Variants in DPP6 observed in about 807,000 individuals in gnomAD.
DPP6 encodes the protein dipeptidyl peptidase like 6.
DPP6 carries 69 observed loss-of-function variants against 122.6 expected under a neutral mutation model. That is an observed-to-expected ratio of 0.56 (90% confidence interval 0.46 to 0.69). The LOEUF (loss-of-function observed/expected upper bound fraction) is 0.69. DPP6 is among the 30% of genes least tolerant of loss of function. The pLI is 0.00. For synonymous variants in DPP6, 418 were observed against 433.1 expected, an observed-to-expected ratio of 0.97 and a Z score of 0.43; for missense variants, 928 against 1,116.9, an observed-to-expected ratio of 0.83 and a Z score of 2.41.
chr7:153,900,620 G>A (rs866634637), intron 1 of DPP6, among the ~76,000 whole-genome samples: 16 of 152,080 alleles, frequency 1.1e-4, no homozygotes, highest in East Asian at 5.8e-4. Flanking sequence ...TCATTATCTC[G>A]AGGGTAACAC....
At chr7:154,375,017 CA>C (rs1813008493) in intron 1 of DPP6, among the ~76,000 whole-genome samples, 1 of 152,170 alleles carries the variant, frequency 6.6e-6, no homozygotes, top group South Asian at 2.1e-4. Flanking sequence ...TGGTCCTGAG[CA>C]AATGAGGGAC....
At chr7:154,747,206 G>A (rs1311769289) in intron 8 of DPP6, among the ~76,000 whole-genome samples, 1 of 152,130 alleles carries the variant, frequency 6.6e-6, no homozygotes, top group Non-Finnish European at 1.5e-5. Context: ...TTGAAGAGCT[G>A]GTTTTTAATT....
At chr7:154,042,814 C>G (rs1381633803) in intron 1 of DPP6, among the ~76,000 whole-genome samples, 1 of 152,184 alleles carries the variant, frequency 6.6e-6, no homozygotes, top group South Asian at 2.1e-4. Context: ...GGATCACTTG[C>G]TTTTATTCTC....
At chr7:154,011,934 G>A (rs531428137) in intron 1 of DPP6, among the ~76,000 whole-genome samples, 36 of 152,282 alleles carry the variant, frequency 2.4e-4, no homozygotes, top group Non-Finnish European at 4.6e-4. Context: ...AGTGATTCCC[G>A]TGTGAATGTT....
chr7:154,272,747 A>G (rs1453199516), intron 1 of DPP6, among the ~76,000 whole-genome samples: 1 of 152,108 alleles, frequency 6.6e-6, no homozygotes, highest in Non-Finnish European at 1.5e-5. Context: ...GGAGGTGGAG[A>G]CATGGTCATG....
At chr7:154,827,292 C>G (rs1289129339) in intron 16 of DPP6, among the ~76,000 whole-genome samples, 2 of 151,954 alleles carry the variant, frequency 1.3e-5, no homozygotes, top group Non-Finnish European at 2.9e-5. Context: ...TCTTTCTTAT[C>G]TGTTTCTTTT....
intron 4 of DPP6, among the ~76,000 whole-genome samples, chr7:154,566,436 C>T (rs899101445): frequency 6.6e-6 from 1 of 152,054 alleles, no homozygotes; most frequent in Non-Finnish European, 1.5e-5. Context: ...CATGCACTAC[C>T]ACACCTAGCT....
At chr7:154,024,459 A>G (rs1037196944) in intron 1 of DPP6, among the ~76,000 whole-genome samples, 5 of 152,064 alleles carry the variant, frequency 3.3e-5, no homozygotes, top group East Asian at 1.9e-4. Context: ...TGTTATGTCA[A>G]TGCTCACTGG....
intron 3 of DPP6, among the ~76,000 whole-genome samples, chr7:154,512,624 T>G (rs1826177689): frequency 6.6e-6 from 1 of 152,170 alleles, no homozygotes; most frequent in African/African-American, 2.4e-5. Flanking sequence ...AGACCTTTTG[T>G]GCCCGATCAA....
intron 1 of DPP6, among the ~76,000 whole-genome samples, chr7:154,105,814 C>T (rs989994452): frequency 1.3e-5 from 2 of 152,066 alleles, no homozygotes; most frequent in Non-Finnish European, 2.9e-5. Flanking sequence ...CCATGTGGAA[C>T]TGTGAGTCCA....
chr7:154,042,270 T>C (rs1799805654), intron 1 of DPP6, among the ~76,000 whole-genome samples: 1 of 152,120 alleles, frequency 6.6e-6, no homozygotes, highest in Admixed American at 6.5e-5. Context: ...CACCCTTAAC[T>C]TGTGGATATT....
At chr7:153,752,104 T>A in the DPP6 span, among the ~76,000 whole-genome samples, 21 of 152,294 alleles carry the variant, frequency 1.4e-4, no homozygotes, top group African/African-American at 5.1e-4. Flanking sequence ...AACTAATCCA[T>A]GTGTGGGGCT....
intron 1 of DPP6, among the ~76,000 whole-genome samples, chr7:154,363,490 C>A (rs1461633707): frequency 6.6e-6 from 1 of 152,106 alleles, no homozygotes; most frequent in Non-Finnish European, 1.5e-5. Flanking sequence ...AGGTTGGGAG[C>A]CTTCAAATTG....
the DPP6 span, among the ~76,000 whole-genome samples, chr7:153,834,856 T>C: frequency 1.3e-5 from 2 of 152,200 alleles, no homozygotes; most frequent in Admixed American, 1.3e-4. Flanking sequence ...AAATGATTAT[T>C]CGGGTAAATA....
intron 1 of DPP6, among the ~76,000 whole-genome samples, chr7:154,200,903 T>C (rs1799136949): frequency 6.6e-6 from 1 of 152,128 alleles, no homozygotes; most frequent in African/African-American, 2.4e-5. Flanking sequence ...GTCCTCAATA[T>C]AAGATTAGTA....
rs553080076 is a variant in DPP6 at position 154,792,889 on chromosome 7, C to T, written c.1137-1190C>T. Among the ~76,000 whole-genome samples, 40 of 152,330 alleles carry T rather than the reference C, an allele frequency of 2.6e-4. No homozygotes were observed. The South Asian group carries it at 6.2e-3, about 24-fold the overall frequency. On this transcript the variant is annotated intron_variant, in intron 10 of 25. Coordinates refer to ENST00000377770, the MANE Select transcript of DPP6 (RefSeq NM_130797.4). The stretch of plus-strand genomic sequence containing the variant: ...CCCCTCCTGGCCATGCGCCAGCAGC[C>T]GCCTGTCTTAGGCCCTCACCTGCTT...
intron 5 of DPP6, among the ~76,000 whole-genome samples, chr7:154,614,744 A>C (rs1443902131): frequency 1.4e-5 from 2 of 140,978 alleles, no homozygotes; most frequent in African/African-American, 2.5e-5. Flanking sequence ...AACCATTTAG[A>C]GCACTTTTAT....
In DPP6 at chr7:154,241,272, C is replaced by T. The variant is rs1801596963; in HGVS notation, c.243+188209C>T. On this transcript the variant is annotated intron_variant, in intron 1 of 25. Transcript: ENST00000377770. This position sits in a 1 kb window ranked among gnomAD's most constrained non-coding sequence, Gnocchi z 9.0. ...ACTTTTATCCATTTAGGAAGACAAA[C>T]ATATTCATAACTATGTTTTCCATTA... Among the ~76,000 whole-genome samples the T allele has an allele frequency of 6.6e-6, 1 of 150,524 alleles. No individual in the cohort carries two copies. Among genetic ancestry groups the T allele is most frequent in the African/African-American group, 2.4e-5 (1 of 40,970 alleles).
chr7:154,095,752 TCTGGC>T (rs1805278627), intron 1 of DPP6: 1 of 109,850 alleles, frequency 9.1e-6, no homozygotes, highest in Non-Finnish European at 2.0e-5. Context: ...TGCTCACGGC[TCTGGC>T]GCTGCCATTT....
Sources: allele counts gnomAD v4.1 joint callset (sites outside exome capture counted in the v4.1 genomes callset), GRCh38; gene constraint gnomAD v4.1.1; non-coding constraint Gnocchi (gnomAD v3.1); transcripts MANE v1.5; gene names NCBI Gene and HGNC (gene_info 2026-07-23, HGNC 2026-07-21).